Variants in PALB2 observed in about 807,000 individuals in gnomAD.
PALB2 encodes the protein partner and localizer of BRCA2.
A neutral mutation model predicts 107.4 loss-of-function variants in PALB2; 82 were observed. The observed-to-expected ratio is 0.76, with a 90% confidence interval of 0.64 to 0.92. The LOEUF is 0.92. Among genes scored for constraint, PALB2 ranks in the 40% least tolerant of loss-of-function variants. The pLI, the probability that PALB2 is intolerant of heterozygous loss-of-function variation, is 0.00. For missense variants in PALB2, 1,374 were observed against 1,379.9 expected (o/e 1.00, Z 0.07); for synonymous variants, 489 against 496.8 (o/e 0.98, Z 0.21).
At chr16:23,639,606 G>A (rs1967159062) in intron 1 of PALB2, among the ~76,000 whole-genome samples, 1 of 151,360 alleles carries the variant, frequency 6.6e-6, no homozygotes, top group South Asian at 2.1e-4. Flanking sequence ...GATTACCTGA[G>A]GTCAGGAGTT....
intron 12 of PALB2, 146 bp from the exon 13 acceptor site, chr16:23,603,815 G>A: frequency 1.4e-6 from 1 of 723,700 alleles, no homozygotes; most frequent in South Asian, 1.7e-5. Context: ...TAGCCTTAGA[G>A]GTCTGTTGGC....
Position 23,629,164 on chromosome 16 carries a change from A to G in PALB2, c.2586+40T>C, listed in dbSNP as rs1236573041. The G allele has an allele frequency of 1.5e-5, 23 of 1,493,262 alleles. No individual in the cohort carries two copies. The highest frequency in any genetic ancestry group is 2.1e-5 in the Non-Finnish European group (22 of 1,071,506). The allele number at this position is 1,493,262 out of a possible 1,614,324, so 92.5% of individuals were successfully genotyped here. A position where few individuals can be genotyped will look rare whatever the true frequency, so the allele number is the denominator to read the frequency against. On this transcript the variant is annotated intron_variant, in intron 6 of 12. Transcript: ENST00000261584. ...CTTTTCAGTTCATTAAAGTTTTCAT[A>G]TGTAAGACACGAGACACTGGAAGAG...
chr16:23,620,463 A>T (rs1256049287), intron 10 of PALB2, among the ~76,000 whole-genome samples: 2 of 152,168 alleles, frequency 1.3e-5, no homozygotes, highest in Non-Finnish European at 2.9e-5. Flanking sequence ...GCTTAAAGCC[A>T]TAATAGGAAT....
intron 4 of PALB2, among the ~76,000 whole-genome samples, chr16:23,631,994 T>C (rs930417151): frequency 6.6e-6 from 1 of 152,156 alleles, no homozygotes; most frequent in Admixed American, 6.5e-5. Context: ...ACCGCTCTTA[T>C]TGCAAATGGT....
rs201348244 is a variant in PALB2 at position 23,608,226 on chromosome 16, CT to C, written c.3202-215del. Among the ~76,000 whole-genome samples, 229 of 142,918 alleles carry C rather than the reference CT, an allele frequency of 1.6e-3. 1 individual carries two copies. Among genetic ancestry groups the C allele is most frequent in the Non-Finnish European group, 2.0e-3 (127 of 64,482 alleles). The allele number at this position is 142,918 out of a possible 152,430, so 93.8% of individuals were successfully genotyped here. A position where few individuals can be genotyped will look rare whatever the true frequency, so the allele number is the denominator to read the frequency against. On this transcript the variant is annotated intron_variant, in intron 11 of 12. Coordinates refer to ENST00000261584, the MANE Select transcript of PALB2 (RefSeq NM_024675.4). ...GGACTTCTGGCTTCTTGTTCTTCTT[CT>C]TTTTTTTTTTAGAGACAAGGCCTTC...
At chr16:23,606,821 CTTTTTTTTT>C (rs545664784) in intron 12 of PALB2, among the ~76,000 whole-genome samples, 55 of 108,592 alleles carry the variant, frequency 5.1e-4, no homozygotes, top group Admixed American at 2.0e-4. Flanking sequence ...CTGCACCCTG[CTTTTTTTTT>C]TTTTTTTTTG....
At chr16:23,622,074 G>C (rs966299887) in intron 9 of PALB2, among the ~76,000 whole-genome samples, 5 of 152,132 alleles carry the variant, frequency 3.3e-5, no homozygotes, top group African/African-American at 4.8e-5. Context: ...ATAAGCCAAA[G>C]TTCCCTGCCC....
At chr16:23,603,841 T>G (rs1435677560) in intron 12 of PALB2, among the ~76,000 whole-genome samples, 172 bp from the exon 13 acceptor site, 4 of 152,228 alleles carry the variant, frequency 2.6e-5, no homozygotes, top group Non-Finnish European at 4.4e-5. Context: ...TGTTGCAGTT[T>G]TGGACAGAAT....
chr16:23,622,966 T>C lies in PALB2; in HGVS notation c.2996+3A>G, dbSNP rs876659931. The C allele has an allele frequency of 6.2e-7, 1 of 1,614,130 alleles. No individual in the cohort carries two copies. Among genetic ancestry groups the C allele is most frequent in the Admixed American group, 1.7e-5 (1 of 60,004 alleles). ...GTTAAAAATCAATCAATGCTTTTCT[T>C]ACCCTCCATCTTCTGCAAACGTCAT... On this transcript the variant is annotated splice_donor_region_variant and intron_variant, in intron 9 of 12. Coordinates refer to ENST00000261584, the MANE Select transcript of PALB2 (RefSeq NM_024675.4).
intron 11 of PALB2, among the ~76,000 whole-genome samples, chr16:23,609,824 C>T (rs980165842): frequency 2.0e-5 from 3 of 151,922 alleles, no homozygotes; most frequent in Non-Finnish European, 4.4e-5. Flanking sequence ...CCACCCAACA[C>T]TTTTTTTGGG....
chr16:23,621,202 T>G (rs935002600), intron 10 of PALB2, among the ~76,000 whole-genome samples, 160 bp downstream of exon 10: 4 of 152,190 alleles, frequency 2.6e-5, no homozygotes, highest in African/African-American at 9.7e-5. Flanking sequence ...AGGAGGAGAC[T>G]CTGTCTCAAA....
At position 23,635,474 on chromosome 16, in the gene PALB2, G is replaced by A. The variant is rs876660876; in HGVS notation, c.1072C>T (p.Pro358Ser). 5.6e-6 allele frequency: 9 copies of A among 1,614,130 alleles called. No homozygotes were observed. Among genetic ancestry groups the A allele is most frequent in the Non-Finnish European group, 7.6e-6 (9 of 1,180,014 alleles). ...TTCCTGCCATCAAGAGTGTCACTGG[G>A]AGATTTTAAAGATTTCTCTGTTTGA... ...QNQTEKSLKSPSDTLDGRNEN... is the reference protein window; with the variant it reads ...QNQTEKSLKSSSDTLDGRNEN... Residue 358 changes from proline to serine, a missense_variant, in exon 4 of 13, where the codon CCC becomes TCC. Physicochemically the swap from Pro to Ser is moderately conservative, Grantham distance 74. Transcript: ENST00000261584.
In PALB2 at chr16:23,608,013, C is replaced by T. The variant is rs515726111; in HGVS notation, c.3202-1G>A. The T allele has an allele frequency of 6.2e-7, 1 of 1,613,498 alleles. No homozygotes were observed. Among genetic ancestry groups the T allele is most frequent in the Non-Finnish European group, 8.5e-7 (1 of 1,179,494 alleles). ...GACTCAGGACAATAAAGAGAAGCCC[C>T]TAATTTCGGAGAAAAATAAATATCC... On this transcript the variant is annotated splice_acceptor_variant, in intron 11 of 12. Transcript: ENST00000261584. LOFTEE classifies it high-confidence loss of function.
rs1555460514 is a variant in PALB2, at chr16:23,630,112, T to G, written c.2042A>C (p.Lys681Thr). 2.5e-6 allele frequency: 4 copies of G among 1,614,188 alleles called. No individual in the cohort carries two copies. The highest frequency in any genetic ancestry group is 3.4e-6 in the Non-Finnish European group (4 of 1,180,042). Residue 681 changes from lysine to threonine, a missense_variant, in exon 5 of 13, where the codon AAA (lysine) becomes ACA (threonine). Physicochemically the swap from Lys to Thr is moderately conservative, Grantham distance 78. Transcript: ENST00000261584. ...CGAGTTTGGCCTTTTGGGATGTGAT[T>G]TTCCTGGTAGAACAATAAGGTCCTC... ...LEEDLIVLPG[K>T]SHPKRPNSQS...
intron 4 of PALB2, among the ~76,000 whole-genome samples, chr16:23,631,211 C>T (rs1461269748): frequency 1.4e-4 from 19 of 131,290 alleles, no homozygotes; most frequent in Admixed American, 4.5e-4. Context: ...ACCCAGGAGG[C>T]GGAGCTTGCA....
chr16:23,630,885 G>A (rs1202280022), intron 4 of PALB2, among the ~76,000 whole-genome samples: 1 of 151,956 alleles, frequency 6.6e-6, no homozygotes. Context: ...CAAGGTAAGA[G>A]AATTGCTTGA....
intron 6 of PALB2, among the ~76,000 whole-genome samples, chr16:23,627,286 G>T (rs1966845524): frequency 6.6e-6 from 1 of 151,720 alleles, no homozygotes; most frequent in African/African-American, 2.4e-5. Flanking sequence ...AGGAGATCGA[G>T]ACCATCCTGG....
chr16:23,610,987 C>T (rs982874184), intron 11 of PALB2, among the ~76,000 whole-genome samples: 2 of 151,772 alleles, frequency 1.3e-5, no homozygotes, highest in African/African-American at 2.4e-5. Context: ...TGCAGTGAGC[C>T]GACATCACAC....
chr16:23,626,203 A>C (rs1339601003), intron 7 of PALB2, 33 bp downstream of exon 7: 1 of 1,614,054 alleles, frequency 6.2e-7, no homozygotes. Context: ...AAATGGCTGC[A>C]AAGATCTCTT....
Sources: allele counts gnomAD v4.1 joint callset (sites outside exome capture counted in the v4.1 genomes callset), GRCh38; gene constraint gnomAD v4.1.1; transcripts MANE v1.5; gene names NCBI Gene and HGNC (gene_info 2026-07-23, HGNC 2026-07-21).